Variants in CBR4 observed in about 807,000 individuals in gnomAD.
CBR4 encodes the protein 3-oxoacyl-[acyl-carrier-protein] reductase.
A neutral mutation model predicts 21.0 loss-of-function variants in CBR4; 22 were observed. That is an observed-to-expected ratio of 1.05 (90% CI 0.75 to 1.50). CBR4 has a LOEUF of 1.50. Among genes scored for constraint, CBR4 ranks in the 40% most tolerant of loss-of-function variants. CBR4 has a pLI of 0.00. For synonymous variants in CBR4, 100 were observed against 104.4 expected (o/e 0.96, Z 0.26); for missense variants, 302 against 286.3 (o/e 1.05, Z -0.40).
intron 4 of CBR4, chr4:169,001,030 G>A (rs2126848594): frequency 1.3e-5 from 2 of 152,052 alleles, no homozygotes; most frequent in African/African-American, 2.4e-5. Flanking sequence ...TGTCACCTAG[G>A]CTGGAGTACA....
At chr4:168,904,952 C>A (rs1031416076) in intron 2 of CBR4, among the ~76,000 whole-genome samples, 1 of 151,804 alleles carries the variant, frequency 6.6e-6, no homozygotes, top group African/African-American at 2.4e-5. Context: ...CATGGCGAAA[C>A]CCTGTCTCTA....
intron 4 of CBR4, among the ~76,000 whole-genome samples, chr4:168,999,274 G>A (rs1730206413): frequency 6.6e-6 from 1 of 152,056 alleles, no homozygotes; most frequent in Non-Finnish European, 1.5e-5. Context: ...AGGTGACCAG[G>A]AAAACTGACA....
intron 3 of CBR4, chr4:169,005,754 T>C (rs1730861445): frequency 3.7e-6 from 2 of 534,270 alleles, no homozygotes; most frequent in African/African-American, 2.0e-5. Context: ...AGAGTAAATG[T>C]CCAAAATGCT....
intron 4 of CBR4, among the ~76,000 whole-genome samples, chr4:168,994,194 A>C (rs1765066873): frequency 6.6e-6 from 1 of 152,254 alleles, no homozygotes; most frequent in Non-Finnish European, 1.5e-5. Flanking sequence ...CTTACGGGAA[A>C]CAAAGGGATG....
chr4:168,983,669 C>T (rs757754978), downstream of CBR4, among the ~76,000 whole-genome samples: 6 of 151,586 alleles, frequency 4.0e-5, no homozygotes, highest in Middle Eastern at 3.4e-3. Flanking sequence ...AACAAAATAC[C>T]GGCAAAACAA....
intron 2 of CBR4, among the ~76,000 whole-genome samples, chr4:168,917,049 G>GTTT (rs1190179892): frequency 8.0e-6 from 1 of 124,874 alleles, no homozygotes; most frequent in African/African-American, 3.2e-5. Flanking sequence ...TTTTTTTGGG[G>GTTT]TTTTTTTTTT....
chr4:169,003,809 G>A (rs572807987), intron 3 of CBR4, among the ~76,000 whole-genome samples: 1 of 152,330 alleles, frequency 6.6e-6, no homozygotes, highest in African/African-American at 2.4e-5. Flanking sequence ...GGACATGAAT[G>A]AAATTGGAAA....
intron 2 of CBR4, chr4:168,903,965 T>G: frequency 6.9e-7 from 1 of 1,454,608 alleles, no homozygotes; most frequent in Non-Finnish European, 9.7e-7. Flanking sequence ...GGCATTTGAT[T>G]AGACAAAGGA....
Position 168,989,636 on chromosome 4 carries a change from T to C in CBR4, c.*514A>G, listed in dbSNP as rs138036473. The C allele has an allele frequency of 3.6e-4, 359 of 985,052 alleles. 2 individuals are homozygous for C. In the African/African-American group the frequency reaches 5.7e-3, roughly 16 times the overall value. The allele number at this position is 985,052 out of a possible 1,614,324, so 61.0% of individuals were successfully genotyped here. ...GGCAACAGCCCACAAGGTTAACTTT[T>C]AGAAAATTCAGCTTGATACAAGAAA... On this transcript the variant is annotated 3_prime_UTR_variant, in exon 5 of 5. Coordinates refer to ENST00000306193, the MANE Select transcript of CBR4 (RefSeq NM_032783.5).
At position 168,913,931 on chromosome 4, in the gene CBR4, G is replaced by A. The variant is rs115274645; in HGVS notation, n.170-19166C>T. The A allele has an allele frequency of 2.7e-5, 43 of 1,603,598 alleles. No individual in the cohort carries two copies. The South Asian group carries it at 3.4e-4, about 13-fold the overall frequency. ...TATTTCCTGATATTTCTACAGGGCC[G>A]CATCAGTTGTACTGGACGGCTAATG... On this transcript the variant is annotated intron_variant and non_coding_transcript_variant, in intron 2 of 3. Coordinates refer to the CBR4 transcript ENST00000509108.
intron 2 of CBR4, among the ~76,000 whole-genome samples, chr4:168,972,618 A>G (rs1764244850): frequency 6.6e-6 from 1 of 152,140 alleles, no homozygotes; most frequent in Non-Finnish European, 1.5e-5. Flanking sequence ...ATTTATTTGT[A>G]TATACTGATT....
At position 169,002,432 on chromosome 4, in the gene CBR4, A is replaced by G. The variant is rs115225567; in HGVS notation, c.401-227T>C. On this transcript the variant is annotated intron_variant, in intron 3 of 4. Transcript: ENST00000306193. ...AAAATAGCATCTGAAAGCAGCTGAT[A>G]CAAAACTGCCAATGCAGGTGCTTGC... Among the ~76,000 whole-genome samples the G allele has an allele frequency of 5.2e-3, 786 of 152,330 alleles. 4 individuals carry two copies. The highest frequency in any genetic ancestry group is 0.017 in the African/African-American group (727 of 41,566).
At chr4:168,991,643 T>A (rs192345617) in intron 4 of CBR4, among the ~76,000 whole-genome samples, 18 of 152,242 alleles carry the variant, frequency 1.2e-4, no homozygotes. Context: ...TACAAATACA[T>A]ACCAGGGAGA....
At chr4:168,987,379 A>AATAT (rs1206208755), downstream of CBR4, among the ~76,000 whole-genome samples, 5 of 152,250 alleles carry the variant, frequency 3.3e-5, no homozygotes, top group Non-Finnish European at 5.9e-5. Context: ...GCATATATCC[A>AATAT]ATATACTCAG....
At chr4:168,975,307 G>T (rs1764335606) in intron 2 of CBR4, among the ~76,000 whole-genome samples, 1 of 152,222 alleles carries the variant, frequency 6.6e-6, no homozygotes, top group South Asian at 2.1e-4. Context: ...CATTGGAGGT[G>T]GCAGGGGAGT....
intron 1 of CBR4, among the ~76,000 whole-genome samples, chr4:169,007,983 T>G (rs1731064386): frequency 6.6e-6 from 1 of 152,172 alleles, no homozygotes; most frequent in Non-Finnish European, 1.5e-5. Flanking sequence ...ATTTTAAAAT[T>G]TTCTTTTTAA....
rs145777223 is a variant in CBR4, at chr4:168,992,110, A to G, written c.536-1782T>C. 3.0e-3 allele frequency among the ~76,000 whole-genome samples: 450 copies of G among 152,360 alleles called. 3 individuals carry two copies. The highest frequency in any genetic ancestry group is 0.01 in the African/African-American group (425 of 41,580). On this transcript the variant is annotated intron_variant, in intron 4 of 4. Coordinates refer to ENST00000306193, the MANE Select transcript of CBR4 (RefSeq NM_032783.5). Reference sequence around the variant, plus strand: ...TTATAAATATCTACGCATTTTCTTAAAAGTCTTGTGAAAAATATTCACAGA... The same window carrying G: ...TTATAAATATCTACGCATTTTCTTAGAAGTCTTGTGAAAAATATTCACAGA...
intron 4 of CBR4, chr4:169,001,431 C>T (rs1730424497): frequency 6.6e-6 from 1 of 152,144 alleles, no homozygotes; most frequent in Admixed American, 6.5e-5. Context: ...TTCTAAGACC[C>T]TCTCCACCTT....
At chr4:168,896,788 C>G (rs1463226850) in intron 2 of CBR4, among the ~76,000 whole-genome samples, 1 of 151,940 alleles carries the variant, frequency 6.6e-6, no homozygotes, top group Non-Finnish European at 1.5e-5. Context: ...CATGTATTTA[C>G]CAGCTTGAAT....
Sources: gnomAD v4.1 joint callset for allele counts (sites outside exome capture counted in the v4.1 genomes callset) on GRCh38, gnomAD v4.1.1 for gene constraint, MANE v1.5 for transcripts, NCBI Gene and HGNC (gene_info 2026-07-23, HGNC 2026-07-21) for gene names.